RNF13: variants seen among roughly 807,000 people sequenced by gnomAD.
RNF13 encodes the protein E3 ubiquitin-protein ligase RNF13.
A neutral mutation model predicts 37.7 loss-of-function variants in RNF13; 19 were observed. The observed-to-expected ratio is 0.50, with a 90% CI of 0.35 to 0.74. The LOEUF is 0.74. RNF13 is among the 30% of genes least tolerant of loss of function. The probability of loss-of-function intolerance (pLI) is 0.01; values close to 1 mark genes in which losing one functional copy is unlikely to be tolerated. For missense variants in RNF13, 375 were observed against 453.0 expected (o/e 0.83, Z 1.56); for synonymous variants, 144 against 157.8 (o/e 0.91, Z 0.65).
intron 1 of RNF13, among the ~76,000 whole-genome samples, chr3:149,829,104 A>C (rs1158509114): frequency 6.6e-6 from 1 of 152,038 alleles, no homozygotes; most frequent in South Asian, 2.1e-4. Context: ...TATTTTGGAA[A>C]AACCTATTTC....
chr3:149,910,878 A>G (rs2108516631), intron 6 of RNF13, among the ~76,000 whole-genome samples: 1 of 152,332 alleles, frequency 6.6e-6, no homozygotes, highest in East Asian at 1.9e-4. Flanking sequence ...TTCCTCATGT[A>G]ACACAAATGA....
chr3:149,910,647 TG>T (rs1243945346), intron 6 of RNF13, among the ~76,000 whole-genome samples: 1 of 152,244 alleles, frequency 6.6e-6, no homozygotes, highest in African/African-American at 2.4e-5. Context: ...TGAGAACGAT[TG>T]TTTTGCATTG....
intron 4 of RNF13, among the ~76,000 whole-genome samples, chr3:149,893,522 C>T (rs114653193): frequency 2.0e-5 from 3 of 152,282 alleles, no homozygotes; most frequent in African/African-American, 4.8e-5. Flanking sequence ...ATCAGATAAA[C>T]TAATAGTAAC....
intron 7 of RNF13, among the ~76,000 whole-genome samples, chr3:149,916,260 A>G (rs553922160): frequency 9.1e-4 from 139 of 152,280 alleles, no homozygotes; most frequent in African/African-American, 3.2e-3. Context: ...AGTGTAGTGG[A>G]ATAAAGTGAT....
chr3:149,891,351 G>A (rs768015834), intron 4 of RNF13, among the ~76,000 whole-genome samples: 4 of 152,126 alleles, frequency 2.6e-5, no homozygotes, highest in African/African-American at 4.8e-5. Flanking sequence ...TCTATTATAA[G>A]GCATGTTTTA....
At chr3:149,904,391 T>C (rs1716178839) in intron 6 of RNF13, among the ~76,000 whole-genome samples, 1 of 152,030 alleles carries the variant, frequency 6.6e-6, no homozygotes, top group Non-Finnish European at 1.5e-5. Flanking sequence ...ATTATTATTA[T>C]TATTTTTGAG....
At chr3:149,834,188 A>G (rs1054260553) in intron 1 of RNF13, among the ~76,000 whole-genome samples, 2 of 152,220 alleles carry the variant, frequency 1.3e-5, no homozygotes, top group Non-Finnish European at 2.9e-5. Context: ...GTACTACCCA[A>G]AGAAATCTAT....
chr3:149,933,003 G>C (rs1252921402), intron 8 of RNF13, among the ~76,000 whole-genome samples: 1 of 152,184 alleles, frequency 6.6e-6, no homozygotes, highest in African/African-American at 2.4e-5. Flanking sequence ...GTTGGAACCT[G>C]GCAAGCCTTC....
intron 1 of RNF13, among the ~76,000 whole-genome samples, chr3:149,832,517 C>T (rs1721161455): frequency 6.6e-6 from 1 of 152,100 alleles, no homozygotes; most frequent in African/African-American, 2.4e-5. Context: ...TCCTCCAAAA[C>T]CATACAGATA....
In RNF13 at chr3:149,837,582, A is replaced by G. The variant is rs1721752199; in HGVS notation, c.-16-8429A>G. Among the ~76,000 whole-genome samples, 3 of 152,198 alleles carry G rather than the reference A, an allele frequency of 2.0e-5. No individual in the cohort carries two copies. The South Asian group carries it at 6.2e-4, about 32-fold the overall frequency. ...CTCACATGGTGGCAGACAAGAGAAGAGAGCTTGTGCAGGGCAACTCTCCTT... is the reference window on the plus strand; with the variant it reads ...CTCACATGGTGGCAGACAAGAGAAGGGAGCTTGTGCAGGGCAACTCTCCTT... On this transcript the variant is annotated intron_variant, in intron 1 of 9. Transcript: ENST00000392894.
intron 1 of RNF13, among the ~76,000 whole-genome samples, chr3:149,831,976 T>C (rs970588415): frequency 1.3e-5 from 2 of 152,212 alleles, no homozygotes; most frequent in Admixed American, 6.5e-5. Context: ...AAAAATAACC[T>C]ATTAAATGAT....
intron 4 of RNF13, among the ~76,000 whole-genome samples, chr3:149,889,446 A>T (rs1228200872): frequency 6.7e-6 from 1 of 149,686 alleles, no homozygotes; most frequent in Non-Finnish European, 1.5e-5. Context: ...CTAGGACTAC[A>T]GGCGTGTGCC....
intron 6 of RNF13, among the ~76,000 whole-genome samples, chr3:149,905,327 T>C (rs1382986586): frequency 6.6e-6 from 1 of 152,184 alleles, no homozygotes; most frequent in African/African-American, 2.4e-5. Context: ...TGTATTTCTC[T>C]TATTACAAGC....
chr3:149,901,022 T>C (rs1268425395), intron 5 of RNF13, among the ~76,000 whole-genome samples: 1 of 151,980 alleles, frequency 6.6e-6, no homozygotes, highest in Non-Finnish European at 1.5e-5. Flanking sequence ...GTTTAGGGGG[T>C]AGGGGTTGAC....
At chr3:149,945,891 G>A (rs1720728096) in intron 8 of RNF13, among the ~76,000 whole-genome samples, 1 of 152,162 alleles carries the variant, frequency 6.6e-6, no homozygotes, top group African/African-American at 2.4e-5. Flanking sequence ...AAACAAAAAG[G>A]ACATCCACAC....
At chr3:149,856,444 C>CTTTT (rs34185354) in intron 3 of RNF13, among the ~76,000 whole-genome samples, 1 of 135,206 alleles carries the variant, frequency 7.4e-6, no homozygotes, top group Admixed American at 7.5e-5. Flanking sequence ...CTGAAAAATA[C>CTTTT]TTTTTTTTTT....
At chr3:149,862,788 A>G (rs576862224) in intron 3 of RNF13, among the ~76,000 whole-genome samples, 2 of 152,324 alleles carry the variant, frequency 1.3e-5, no homozygotes, top group Admixed American at 1.3e-4. Context: ...TAGTAAAAGT[A>G]GGAGTCTAAC....
intron 4 of RNF13, among the ~76,000 whole-genome samples, chr3:149,877,293 C>T (rs969287614): frequency 3.3e-5 from 5 of 152,108 alleles, no homozygotes; most frequent in African/African-American, 1.2e-4. Flanking sequence ...ATCACTGGAA[C>T]TTTCCATTTG....
intron 8 of RNF13, among the ~76,000 whole-genome samples, chr3:149,957,695 T>C (rs1299417850): frequency 6.6e-6 from 1 of 152,198 alleles, no homozygotes; most frequent in Non-Finnish European, 1.5e-5. Context: ...TTAAGAGGTA[T>C]TGTATGTGCG....
Sources: allele counts gnomAD v4.1 joint callset (sites outside exome capture counted in the v4.1 genomes callset), GRCh38; gene constraint gnomAD v4.1.1; transcripts MANE v1.5; gene names NCBI Gene and HGNC (gene_info 2026-07-23, HGNC 2026-07-21).